STX1B: variants seen among roughly 807,000 people sequenced by gnomAD.
STX1B encodes syntaxin 1B, also known as syntaxin-1B.
A neutral mutation model predicts 39.4 loss-of-function variants in STX1B; 7 were observed. That is an observed-to-expected ratio of 0.18 (90% confidence interval 0.10 to 0.33). STX1B has a LOEUF of 0.33. STX1B is among the 10% of genes least tolerant of loss of function. STX1B has a pLI of 1.00. For synonymous variants in STX1B, 136 were observed against 144.1 expected (o/e 0.94, Z 0.40); for missense variants, 198 against 383.2 (o/e 0.52, Z 4.04).
At chr16:31,009,546 G>A (rs570185498) in intron 1 of STX1B, among the ~76,000 whole-genome samples, 44 of 151,602 alleles carry the variant, frequency 2.9e-4, no homozygotes, top group Admixed American at 1.6e-3. Flanking sequence ...CATTCTCATC[G>A]AACCCCACTC....
chr16:30,995,037 G>A (rs1049934995), intron 7 of STX1B, among the ~76,000 whole-genome samples: 3 of 151,516 alleles, frequency 2.0e-5, no homozygotes, highest in East Asian at 3.9e-4. Context: ...TTAGCCTCCC[G>A]AGTAGCTGGG....
In STX1B at chr16:31,001,082, A is replaced by C; in HGVS notation, c.205+12T>G. On this transcript the variant is annotated intron_variant, in intron 3 of 9. Transcript: ENST00000215095. This position sits in a 1 kb window ranked among gnomAD's most constrained non-coding sequence, Gnocchi z 5.5. The stretch of plus-strand genomic sequence containing the variant: ...CTCCTCCCACCCCACAGTCACCGGC[A>C]GCCACACTCACTCTCATCTGGGTTG... 6.2e-7 allele frequency: 1 copy of C among 1,614,132 alleles called. No individual in the cohort carries two copies. Among genetic ancestry groups the C allele is most frequent in the East Asian group, 2.2e-5 (1 of 44,880 alleles).
intron 1 of STX1B, among the ~76,000 whole-genome samples, chr16:31,003,132 C>T (rs960284713): frequency 3.3e-5 from 5 of 152,224 alleles, no homozygotes; most frequent in African/African-American, 4.8e-5. Context: ...TCCAGCTCCA[C>T]GCTCCTGAGC....
At chr16:31,006,175 C>T (rs2056654263) in intron 1 of STX1B, among the ~76,000 whole-genome samples, 1 of 152,180 alleles carries the variant, frequency 6.6e-6, no homozygotes, top group South Asian at 2.1e-4. Context: ...GCTTCCCATG[C>T]TCCTCAGGGG....
chr16:31,006,297 C>T (rs1022650923), intron 1 of STX1B, among the ~76,000 whole-genome samples: 1 of 152,170 alleles, frequency 6.6e-6, no homozygotes, highest in Non-Finnish European at 1.5e-5. Flanking sequence ...GCTCCCTCCC[C>T]CTGAGCAGCC....
At chr16:31,004,617 A>G (rs1296679755) in intron 1 of STX1B, among the ~76,000 whole-genome samples, 4 of 151,864 alleles carry the variant, frequency 2.6e-5, no homozygotes, top group Non-Finnish European at 4.4e-5. Flanking sequence ...AAGAGACTGC[A>G]GTGAGCTGTG....
intron 4 of STX1B, 87 bp from the exon 5 acceptor site, chr16:30,997,662 G>C: frequency 7.9e-7 from 1 of 1,261,234 alleles, no homozygotes. Context: ...AACACCCCGC[G>C]GCAGCGCCAG....
intron 7 of STX1B, among the ~76,000 whole-genome samples, chr16:30,994,285 C>T (rs2056579598): frequency 2.6e-5 from 1 of 38,702 alleles, no homozygotes; most frequent in African/African-American, 8.9e-5. Flanking sequence ...GAGCGAGACT[C>T]CGTCTCAAAA....
At chr16:31,005,463 C>A (rs79484724) in intron 1 of STX1B, among the ~76,000 whole-genome samples, 1 of 118,142 alleles carries the variant, frequency 8.5e-6, no homozygotes. Flanking sequence ...CTTTTTTTTT[C>A]TTTTTCCTTT....
At position 31,001,654 on chromosome 16, in the gene STX1B, A is replaced by G. The variant is rs2056631047; in HGVS notation, c.31-51T>C. The G allele has an allele frequency of 6.7e-7, 1 of 1,495,516 alleles. No individual in the cohort carries two copies. The allele number at this position is 1,495,516 out of a possible 1,614,324, so 92.6% of individuals were successfully genotyped here. A position where few individuals can be genotyped will look rare whatever the true frequency, so the allele number is the denominator to read the frequency against. On this transcript the variant is annotated intron_variant, in intron 1 of 9. Transcript: ENST00000215095. The surrounding 1 kb of genome is among the most constrained non-coding windows in gnomAD (Gnocchi z 5.5). Reference sequence around the variant, plus strand: ...TGAGCAGGCCCTACCTGGGTCCCCAAGGCTGGCTCTCCAGCTCTCCCACCC... The same window carrying G: ...TGAGCAGGCCCTACCTGGGTCCCCAGGGCTGGCTCTCCAGCTCTCCCACCC...
At chr16:31,000,585 C>T (rs1187591282) in intron 4 of STX1B, among the ~76,000 whole-genome samples, 4 of 151,814 alleles carry the variant, frequency 2.6e-5, no homozygotes, top group Admixed American at 6.6e-5. Context: ...CTCCACCTCC[C>T]GGGTTCAAGC....
At chr16:31,002,178 C>T (rs189538433) in intron 1 of STX1B, among the ~76,000 whole-genome samples, 1 of 151,204 alleles carries the variant, frequency 6.6e-6, no homozygotes, top group Admixed American at 6.6e-5. Context: ...CCCCCCTCTT[C>T]CCGCCCACTC....
In STX1B at chr16:30,996,670, A is replaced by AC; in HGVS notation, c.537+12dup. ...ATTTTCCAAAAGCAGAGCCCGCCCC[A>AC]CCCGCGGCTCACGTCATCTGTGAAG... On this transcript the variant is annotated intron_variant, in intron 7 of 9. Transcript: ENST00000215095. The AC allele has an allele frequency of 6.2e-7, 1 of 1,612,372 alleles. No individual in the cohort carries two copies. Among genetic ancestry groups the AC allele is most frequent in the Non-Finnish European group, 8.5e-7 (1 of 1,178,814 alleles).
chr16:30,993,069 C>T, intron 9 of STX1B, 61 bp downstream of exon 9: 2 of 1,541,494 alleles, frequency 1.3e-6, no homozygotes, highest in Non-Finnish European at 1.8e-6. Flanking sequence ...CCATCACTCA[C>T]CTCAGCCCGG....
intron 9 of STX1B, 99 bp from the exon 10 acceptor site, chr16:30,993,000 G>T: frequency 7.5e-7 from 1 of 1,329,502 alleles, no homozygotes; most frequent in Non-Finnish European, 1.1e-6. Flanking sequence ...GGGAGAAGAG[G>T]GGAGAGAAAA....
chr16:30,998,756 C>T (rs566953878), intron 4 of STX1B, among the ~76,000 whole-genome samples: 16 of 152,214 alleles, frequency 1.1e-4, no homozygotes, highest in Non-Finnish European at 2.2e-4. Flanking sequence ...TTTCCAGCTT[C>T]TTTCTTGGTC....
rs1276195884 is a variant in STX1B at position 30,991,876 on chromosome 16, C to CA, written c.*944dup. 2 of 151,602 alleles carry CA rather than the reference C, an allele frequency of 1.3e-5. No homozygotes were observed. Among genetic ancestry groups the CA allele is most frequent in the Non-Finnish European group, 2.9e-5 (2 of 67,984 alleles). The allele number at this position is 151,602 out of a possible 1,614,324, so 9.4% of individuals were successfully genotyped here. ...GAGCAAGACTCCGTCTCGAAAAAAA[C>CA]AAAAAACAAAAAACAAAAAAAAATT... On this transcript the variant is annotated 3_prime_UTR_variant, in exon 10 of 10. Coordinates refer to ENST00000215095, the MANE Select transcript of STX1B (RefSeq NM_052874.5).
In STX1B at chr16:30,993,386, G is replaced by A. The variant is rs773222268; in HGVS notation, c.636C>T (p.His212=). 6.2e-6 allele frequency: 10 copies of A among 1,613,994 alleles called. No individual in the cohort carries two copies. Among genetic ancestry groups the A allele is most frequent in the Admixed American group, 1.7e-5 (1 of 59,994 alleles). Residue 212 remains histidine, a synonymous_variant, in exon 8 of 10, where the codon CAC becomes CAT. Coordinates refer to ENST00000215095, the MANE Select transcript of STX1B (RefSeq NM_052874.5). ...GCATGGCCATGTCCACAAACATATC[G>A]TGCAGCTCGCGGATGCTGGTCTCCA... The part of the protein sequence containing the change: ...IKLETSIREL[H]DMFVDMAMLV...
chr16:30,992,763 G>A lies in STX1B; in HGVS notation c.*58C>T, dbSNP rs2056568912. The A allele has an allele frequency of 9.4e-7, 1 of 1,067,178 alleles. No homozygotes were observed. The highest frequency in any genetic ancestry group is 1.4e-6 in the Non-Finnish European group (1 of 696,610). 66.1% of individuals were successfully genotyped at this position (1,067,178 alleles called of 1,614,324 possible). A position where few individuals can be genotyped will look rare whatever the true frequency, so the allele number is the denominator to read the frequency against. On this transcript the variant is annotated 3_prime_UTR_variant, in exon 10 of 10. Coordinates refer to ENST00000215095, the MANE Select transcript of STX1B (RefSeq NM_052874.5). ...GGGGATGGAGTGAAAGGGGTGGTGG[G>A]GGTATTGCTCCCGATGTGGTGGGGG...
Sources: allele counts gnomAD v4.1 joint callset (sites outside exome capture counted in the v4.1 genomes callset), GRCh38; gene constraint gnomAD v4.1.1; non-coding constraint Gnocchi (gnomAD v3.1); transcripts MANE v1.5; gene names NCBI Gene and HGNC (gene_info 2026-07-23, HGNC 2026-07-21).